Variants in FAM120B observed in about 807,000 individuals in gnomAD.
FAM120B encodes the protein constitutive coactivator of peroxisome proliferator-activated receptor gamma.
Under a neutral mutation model 96.3 loss-of-function variants are expected in FAM120B, and 83 were observed. The ratio of observed to expected loss-of-function variants is 0.86; its 90% CI spans 0.72 to 1.03. The LOEUF is 1.03. Among genes scored for constraint, FAM120B ranks in the 50% least tolerant of loss-of-function variants. The probability of loss-of-function intolerance (pLI) is 0.00; values close to 1 mark genes in which losing one functional copy is unlikely to be tolerated. For synonymous variants in FAM120B, 407 were observed against 402.7 expected (o/e 1.01, Z -0.13); for missense variants, 1,027 against 1,121.2 (o/e 0.92, Z 1.20).
In FAM120B at chr6:170,375,382, C is replaced by G. The variant is rs759854608; in HGVS notation, c.2284-12905C>G. 4.6e-5 allele frequency among the ~76,000 whole-genome samples: 7 copies of G among 152,168 alleles called. No individual in the cohort carries two copies. The East Asian group carries it at 1.3e-3, about 29-fold the overall frequency. ...GTTATCTGTTGTTCTTAACAACAAG[C>G]GTCTCAGGTCAGGGTAGGCTTATTG... On this transcript the variant is annotated intron_variant, in intron 6 of 10. Coordinates refer to ENST00000476287, the MANE Select transcript of FAM120B (RefSeq NM_032448.3).
intron 6 of FAM120B, among the ~76,000 whole-genome samples, chr6:170,361,833 G>T (rs1788480802): frequency 2.0e-5 from 3 of 152,090 alleles, no homozygotes; most frequent in African/African-American, 7.2e-5. Flanking sequence ...TCGCTCTGTT[G>T]CCCAGGCTGG....
At chr6:170,381,748 A>G (rs1789913107) in intron 6 of FAM120B, among the ~76,000 whole-genome samples, 1 of 152,120 alleles carries the variant, frequency 6.6e-6, no homozygotes, top group African/African-American at 2.4e-5. Context: ...GAAAAGTCAC[A>G]TGATCATATG....
At chr6:170,361,218 A>ATATATATATATATACG (rs1788390812) in intron 6 of FAM120B, among the ~76,000 whole-genome samples, 1 of 108,848 alleles carries the variant, frequency 9.2e-6, no homozygotes, top group East Asian at 2.0e-3. Flanking sequence ...ATATATATAT[A>ATATATATATATATACG]TATATATATA....
chr6:170,383,144 T>C (rs907834360), intron 6 of FAM120B, among the ~76,000 whole-genome samples: 16 of 151,394 alleles, frequency 1.1e-4, no homozygotes, highest in Non-Finnish European at 1.5e-5. Context: ...CTCACACTTT[T>C]GTAAAATTAA....
Position 170,297,114 on chromosome 6 carries a change from C to T in FAM120B, c.48+1661C>T, listed in dbSNP as rs138348634. ...ATAAACTCAGAAACGTGGCGCGCAC[C>T]CGCAGGGCCTGACACAGCCTCTGGA... On this transcript the variant is annotated intron_variant, in intron 1 of 10. Transcript: ENST00000537664. Among the ~76,000 whole-genome samples the T allele has an allele frequency of 6.8e-3, 1,041 of 152,334 alleles. 13 individuals carry two copies. Among genetic ancestry groups the T allele is most frequent in the African/African-American group, 0.023 (976 of 41,584 alleles).
chr6:170,298,766 G>A (rs528016764), intron 1 of FAM120B, among the ~76,000 whole-genome samples: 1 of 152,154 alleles, frequency 6.6e-6, no homozygotes, highest in Non-Finnish European at 1.5e-5. Context: ...GAGGCTGCTT[G>A]CAGGTTGCGA....
At chr6:170,380,185 T>TC (rs1789821146) in intron 6 of FAM120B, among the ~76,000 whole-genome samples, 1 of 152,184 alleles carries the variant, frequency 6.6e-6, no homozygotes, top group Admixed American at 6.5e-5. Flanking sequence ...GGATTTTTTT[T>TC]CTTTTTTTTT....
At chr6:170,400,920 C>A (rs992297340) in intron 9 of FAM120B, among the ~76,000 whole-genome samples, 3 of 152,164 alleles carry the variant, frequency 2.0e-5, no homozygotes, top group African/African-American at 7.2e-5. Context: ...ATGCCATGCA[C>A]ATTGGCTTCT....
upstream of FAM120B, among the ~76,000 whole-genome samples, chr6:170,306,297 G>GC (rs1268307117): frequency 1.3e-5 from 2 of 152,100 alleles, no homozygotes; most frequent in Admixed American, 6.5e-5. Context: ...CTGTGCAGGA[G>GC]CCCCCCGCTG....
chr6:170,295,248 C>A (rs78460990), upstream of FAM120B: 40,929 of 595,458 alleles, frequency 0.069, 6,912 homozygotes, highest in East Asian at 0.58. The surrounding 1 kb of genome is among the most constrained non-coding windows in gnomAD (Gnocchi z 7.8). Context: ...CCTTACCCCC[C>A]AACACACACA....
At position 170,356,063 on chromosome 6, in the gene FAM120B, C is replaced by T. The variant is rs145148785; in HGVS notation, c.2191-2163C>T. On this transcript the variant is annotated intron_variant, in intron 5 of 10. Coordinates refer to ENST00000476287, the MANE Select transcript of FAM120B (RefSeq NM_032448.3). ...GCAGCGCAGTTCTACCTTCCCATCC[C>T]TGTGCAGGTGACTGTCAGTTCTTTA... Among the ~76,000 whole-genome samples the T allele has an allele frequency of 4.6e-5, 7 of 152,280 alleles. No homozygotes were observed. The East Asian group carries it at 1.4e-3, about 29-fold the overall frequency.
upstream of FAM120B, chr6:170,306,422 G>A (rs1784284268): frequency 6.6e-6 from 1 of 152,294 alleles, no homozygotes; most frequent in Non-Finnish European, 1.5e-5. Flanking sequence ...CCTCCGGCAG[G>A]ACAAAGACCG....
At chr6:170,377,045 G>A (rs1789574995) in intron 6 of FAM120B, among the ~76,000 whole-genome samples, 3 of 143,214 alleles carry the variant, frequency 2.1e-5, no homozygotes, top group African/African-American at 5.2e-5. Context: ...GTGCACACGC[G>A]TCCCTAAACC....
chr6:170,307,021 CG>C (rs1179001382), intron 1 of FAM120B, among the ~76,000 whole-genome samples, 179 bp downstream of exon 1: 1 of 152,178 alleles, frequency 6.6e-6, no homozygotes, highest in African/African-American at 2.4e-5. Flanking sequence ...GGGATCCTCG[CG>C]TCCCCGCTGC....
intron 1 of FAM120B, among the ~76,000 whole-genome samples, chr6:170,313,309 G>T (rs1334525986): frequency 6.6e-6 from 1 of 152,264 alleles, no homozygotes; most frequent in African/African-American, 2.4e-5. Context: ...TTTTAGGCGG[G>T]GGAGGAGAGG....
intron 6 of FAM120B, among the ~76,000 whole-genome samples, chr6:170,361,327 A>G (rs1255974225): frequency 2.7e-5 from 4 of 150,220 alleles, no homozygotes; most frequent in African/African-American, 4.9e-5. Context: ...TGCATAGTAC[A>G]TATTTATGTA....
At chr6:170,323,952 T>G (rs75476347) in intron 3 of FAM120B, among the ~76,000 whole-genome samples, 2,914 of 152,280 alleles carry the variant, frequency 0.019, 83 homozygotes, top group African/African-American at 0.067. Context: ...GCCCTTCTAT[T>G]TCAGTAAGGC....
At chr6:170,328,317 A>G (rs1751234922) in intron 3 of FAM120B, among the ~76,000 whole-genome samples, 2 of 152,246 alleles carry the variant, frequency 1.3e-5, no homozygotes, top group African/African-American at 4.8e-5. Context: ...ACATTAGTCT[A>G]GGACTCCACG....
At chr6:170,339,508 G>T (rs1399840190) in intron 4 of FAM120B, among the ~76,000 whole-genome samples, 1 of 151,970 alleles carries the variant, frequency 6.6e-6, no homozygotes, top group African/African-American at 2.4e-5. Context: ...GAATGTCGGG[G>T]CCAGGCGGGG....
Sources: gnomAD v4.1 joint callset for allele counts (sites outside exome capture counted in the v4.1 genomes callset) on GRCh38, gnomAD v4.1.1 for gene constraint, Gnocchi (gnomAD v3.1) non-coding constraint, MANE v1.5 for transcripts, NCBI Gene and HGNC (gene_info 2026-07-23, HGNC 2026-07-21) for gene names.